The following RIT2 variants were observed in gnomAD, a reference collection of about 807,000 sequenced individuals.
The protein encoded by RIT2 is GTP-binding protein Rit2.
A neutral mutation model predicts 23.7 loss-of-function variants in RIT2; 24 were observed. The ratio of observed to expected loss-of-function variants is 1.01; its 90% CI spans 0.73 to 1.43. The LOEUF (loss-of-function observed/expected upper bound fraction) is 1.43. RIT2 is among the 40% of genes most tolerant of loss of function. The probability of loss-of-function intolerance (pLI) is 0.00; values close to 1 mark genes in which losing one functional copy is unlikely to be tolerated. For missense variants in RIT2, 236 were observed against 266.9 expected (o/e 0.88, Z 0.81); for synonymous variants, 107 against 91.1 (o/e 1.17, Z -0.99).
intron 2 of RIT2, among the ~76,000 whole-genome samples, chr18:42,999,269 C>T (rs73475495): frequency 0.027 from 4,120 of 152,056 alleles, 168 homozygotes; most frequent in African/African-American, 0.09. Context: ...TTTCATTACT[C>T]GGATCAGTTT....
intron 4 of RIT2, among the ~76,000 whole-genome samples, chr18:42,780,053 T>TTTG (rs1555637070): frequency 7.7e-6 from 1 of 129,388 alleles, no homozygotes; most frequent in Non-Finnish European, 1.6e-5. Flanking sequence ...AGAGGTTTTT[T>TTTG]TTTTTTTTTT....
At chr18:42,792,648 G>A (rs2143948619) in intron 4 of RIT2, among the ~76,000 whole-genome samples, 1 of 152,292 alleles carries the variant, frequency 6.6e-6, no homozygotes, top group South Asian at 2.1e-4. Flanking sequence ...GATAAGGAAT[G>A]TATAGATTGC....
Position 42,907,962 on chromosome 18 carries a change from G to A in RIT2, c.426+15610C>T, listed in dbSNP as rs373795136. ...TCACTGCACTCCAGCGTGGGTGACA[G>A]AGTGAAAAAAAAAAAATTAAGGCAA... On this transcript the variant is annotated intron_variant, in intron 4 of 4. Transcript: ENST00000326695. Among the ~76,000 whole-genome samples the A allele has an allele frequency of 2.7e-3, 408 of 149,582 alleles. 1 individual carries two copies. Among genetic ancestry groups the A allele is most frequent in the African/African-American group, 9.3e-3 (377 of 40,750 alleles).
At chr18:43,007,440 T>C (rs1476392551) in intron 2 of RIT2, among the ~76,000 whole-genome samples, 1 of 151,744 alleles carries the variant, frequency 6.6e-6, no homozygotes, top group African/African-American at 2.4e-5. Flanking sequence ...TGACTATGCC[T>C]AGCACACAGG....
rs116394062 is a variant in RIT2 at position 43,073,878 on chromosome 18, G to T, written c.104-40011C>A. On this transcript the variant is annotated intron_variant, in intron 1 of 4. Coordinates refer to ENST00000326695, the MANE Select transcript of RIT2 (RefSeq NM_002930.4). ...TGGGTTCTAGGAATGTCTCATGGAA[G>T]AGGTAGCAGTTTAAATGGGTGTGAA... 4.5e-3 allele frequency among the ~76,000 whole-genome samples: 687 copies of T among 152,278 alleles called. 6 individuals carry two copies. The highest frequency in any genetic ancestry group is 0.016 in the African/African-American group (657 of 41,562).
At chr18:42,754,724 GC>G (rs1267973038) in intron 4 of RIT2, among the ~76,000 whole-genome samples, 1 of 152,298 alleles carries the variant, frequency 6.6e-6, no homozygotes, top group African/African-American at 2.4e-5. Flanking sequence ...CAATAAGCAA[GC>G]CACACACTTT....
intron 4 of RIT2, among the ~76,000 whole-genome samples, chr18:42,834,887 C>T (rs1042971938): frequency 6.6e-6 from 1 of 152,094 alleles, no homozygotes; most frequent in South Asian, 2.1e-4. Context: ...TTTTGGCATG[C>T]TTGACATAAA....
At chr18:42,795,258 G>C (rs148759895) in intron 4 of RIT2, among the ~76,000 whole-genome samples, 1,735 of 152,338 alleles carry the variant, frequency 0.011, 9 homozygotes, top group Middle Eastern at 0.037. Context: ...GGAGAGGCGC[G>C]AGCAGGAACC....
chr18:43,067,346 A>C (rs4530226), intron 1 of RIT2, among the ~76,000 whole-genome samples: 9,364 of 152,238 alleles, frequency 0.062, 493 homozygotes, highest in East Asian at 0.25. Context: ...GCCCACCATG[A>C]GTGGCCATGC....
At chr18:42,808,406 G>A (rs1237845196) in intron 4 of RIT2, among the ~76,000 whole-genome samples, 1 of 152,106 alleles carries the variant, frequency 6.6e-6, no homozygotes, top group African/African-American at 2.4e-5. Context: ...TTTTTTTGTA[G>A]AGATTTTATT....
chr18:42,851,054 A>G (rs1050506866), intron 4 of RIT2, among the ~76,000 whole-genome samples: 2 of 152,250 alleles, frequency 1.3e-5, no homozygotes, highest in Admixed American at 1.3e-4. Flanking sequence ...TAAAGAAAAT[A>G]AATGAATTAT....
At chr18:42,944,216 T>C (rs1909671364) in intron 3 of RIT2, among the ~76,000 whole-genome samples, 1 of 152,124 alleles carries the variant, frequency 6.6e-6, no homozygotes, top group South Asian at 2.1e-4. Context: ...TTACCGAGCC[T>C]CACTTGCTCA....
At chr18:43,097,169 C>A (rs1324039090) in intron 1 of RIT2, among the ~76,000 whole-genome samples, 1 of 151,728 alleles carries the variant, frequency 6.6e-6, no homozygotes, top group African/African-American at 2.4e-5. Flanking sequence ...TGAAAACACC[C>A]CTTAGAGTTT....
rs558184085 is a variant in RIT2 at position 42,983,810 on chromosome 18, C to A, written c.161-9663G>T. 9.9e-5 allele frequency among the ~76,000 whole-genome samples: 15 copies of A among 152,132 alleles called. No individual in the cohort carries two copies. In the East Asian group the frequency reaches 2.7e-3, roughly 27 times the overall value. The stretch of plus-strand genomic sequence containing the variant: ...ACAAATTAAAACCACAATAAGATAT[C>A]TCTACATACCTAACAGAATGGCTAA... On this transcript the variant is annotated intron_variant, in intron 2 of 4. Coordinates refer to ENST00000326695, the MANE Select transcript of RIT2 (RefSeq NM_002930.4).
intron 4 of RIT2, among the ~76,000 whole-genome samples, chr18:42,750,521 G>T (rs1489066787): frequency 6.6e-6 from 1 of 151,896 alleles, no homozygotes; most frequent in East Asian, 1.9e-4. Flanking sequence ...TTGTCCTCCA[G>T]TATAGTAATA....
chr18:43,059,130 T>C (rs1190288723), intron 1 of RIT2, among the ~76,000 whole-genome samples: 1 of 151,936 alleles, frequency 6.6e-6, no homozygotes, highest in African/African-American at 2.4e-5. Flanking sequence ...AGGAATGACA[T>C]GATCATCTTT....
intron 4 of RIT2, among the ~76,000 whole-genome samples, chr18:42,805,376 C>T (rs1438965180): frequency 6.6e-6 from 1 of 152,152 alleles, no homozygotes; most frequent in Non-Finnish European, 1.5e-5. Context: ...AGTTGAAATA[C>T]ATGAAGACTC....
At chr18:42,788,790 T>C (rs1276994580) in intron 4 of RIT2, among the ~76,000 whole-genome samples, 1 of 152,172 alleles carries the variant, frequency 6.6e-6, no homozygotes, top group Non-Finnish European at 1.5e-5. Context: ...TGAAAAGCCA[T>C]AGTTTGTCAG....
At chr18:42,952,010 A>G (rs1275592153) in intron 3 of RIT2, among the ~76,000 whole-genome samples, 2 of 152,104 alleles carry the variant, frequency 1.3e-5, no homozygotes, top group African/African-American at 4.8e-5. Context: ...CCCTCTTTAT[A>G]AAACCATTGG....
Sources: allele counts gnomAD v4.1 joint callset (sites outside exome capture counted in the v4.1 genomes callset), GRCh38; gene constraint gnomAD v4.1.1; transcripts MANE v1.5; gene names NCBI Gene and HGNC (gene_info 2026-07-23, HGNC 2026-07-21).